The following WIPF2 variants were observed in gnomAD, a reference collection of about 807,000 sequenced individuals.
WIPF2 encodes WAS/WASL-interacting protein family member 2.
A neutral mutation model predicts 38.8 loss-of-function variants in WIPF2; 23 were observed. That is an observed-to-expected ratio of 0.59 (90% CI 0.43 to 0.84). The LOEUF is 0.84. Ranked by LOEUF, WIPF2 falls within the 40% of genes least tolerant of loss-of-function variation. The pLI is 0.00. For missense variants in WIPF2, 574 were observed against 580.5 expected (o/e 0.99, Z 0.11); for synonymous variants, 210 against 223.2 (o/e 0.94, Z 0.53).
chr17:40,220,151 T>A (rs59267916), intron 1 of WIPF2, among the ~76,000 whole-genome samples: 1 of 151,916 alleles, frequency 6.6e-6, no homozygotes, highest in African/African-American at 2.4e-5. Flanking sequence ...ATTTTTTTTT[T>A]TTTGTTTTAA....
At chr17:40,278,042 T>G in intron 7 of WIPF2, 143 bp from the exon 8 acceptor site, 2 of 1,034,540 alleles carry the variant, frequency 1.9e-6, no homozygotes, top group Non-Finnish European at 1.4e-6. Context: ...CTTCATTTTC[T>G]TAGGCAAAAC....
At chr17:40,273,761 A>T (rs1341163213) in intron 5 of WIPF2, 29 bp from the exon 6 acceptor site, 1 of 1,516,646 alleles carries the variant, frequency 6.6e-7, no homozygotes. Context: ...TCCACATCCA[A>T]ACCTAACTAC....
At chr17:40,220,573 G>GTGTGTATATATATATA (rs1431477384) in intron 1 of WIPF2, 1 of 77,108 alleles carries the variant, frequency 1.3e-5, no homozygotes, top group Non-Finnish European at 2.5e-5. Context: ...GTGTGTGTGT[G>GTGTGTATATATATATA]TATATATATA....
rs1037299586 is a variant in WIPF2, at chr17:40,234,416, A to G, written c.-70+14924A>G. ...CCACTGCACTCAAGCCTGGTGACAG[A>G]GTGAGACTCTGTCTCAAAACAAACA... On this transcript the variant is annotated intron_variant, in intron 1 of 7. Transcript: ENST00000323571. Among the ~76,000 whole-genome samples, 8 of 151,972 alleles carry G rather than the reference A, an allele frequency of 5.3e-5. No homozygotes were observed. The East Asian group carries it at 5.8e-4, about 11-fold the overall frequency.
At chr17:40,239,852 G>A (rs565148424) in intron 1 of WIPF2, among the ~76,000 whole-genome samples, 43 of 151,014 alleles carry the variant, frequency 2.8e-4, no homozygotes, top group African/African-American at 9.0e-4. Context: ...GCCTGCCACC[G>A]TGCCCGGCTA....
In WIPF2 at chr17:40,254,986, G is replaced by A. The variant is rs577483217; in HGVS notation, c.-69-1405G>A. ...CTCAGGTGATTCACCTGCCTTCCTC[G>A]GCCTCCCAAAGTGCTAGGATTACAG... On this transcript the variant is annotated intron_variant, in intron 1 of 7. Coordinates refer to ENST00000323571, the MANE Select transcript of WIPF2 (RefSeq NM_133264.5). 3.2e-3 allele frequency among the ~76,000 whole-genome samples: 488 copies of A among 151,952 alleles called. 2 individuals carry two copies. The highest frequency in any genetic ancestry group is 0.024 in the Middle Eastern group (7 of 294).
intron 1 of WIPF2, among the ~76,000 whole-genome samples, chr17:40,245,127 A>C (rs1038595470): frequency 6.6e-6 from 1 of 152,158 alleles, no homozygotes; most frequent in Non-Finnish European, 1.5e-5. Context: ...CTAAAAAATA[A>C]ATAAGTAAAA....
chr17:40,228,563 C>G (rs2030598944), intron 1 of WIPF2, among the ~76,000 whole-genome samples: 1 of 151,384 alleles, frequency 6.6e-6, no homozygotes, highest in South Asian at 2.1e-4. Context: ...TTTTTGAGTT[C>G]CTACTGTGTG....
chr17:40,244,766 C>A (rs894699858), intron 1 of WIPF2, among the ~76,000 whole-genome samples: 28 of 152,068 alleles, frequency 1.8e-4, no homozygotes, highest in African/African-American at 6.8e-4. Context: ...TCTAACACAC[C>A]AACTACATTC....
At position 40,248,163 on chromosome 17, in the gene WIPF2, C is replaced by CTTTTTTTTTTTT. The variant is rs60359132; in HGVS notation, c.-69-8212_-69-8201dup. ...TTTAATAAAAATTTAAAAGTTATTTCTTTTTTTTTTTTTTTTTTTTTTTTT... is the reference window on the plus strand; with the variant it reads ...TTTAATAAAAATTTAAAAGTTATTTCTTTTTTTTTTTTTTTTTTTTTTTTTTTTTTTTTTTTT... On this transcript the variant is annotated intron_variant, in intron 1 of 7. Coordinates refer to ENST00000323571, the MANE Select transcript of WIPF2 (RefSeq NM_133264.5). 3.4e-4 allele frequency among the ~76,000 whole-genome samples: 16 copies of CTTTTTTTTTTTT among 47,596 alleles called. 1 individual carries two copies. The highest frequency in any genetic ancestry group is 5.1e-4 in the Non-Finnish European group (12 of 23,676). The allele number at this position is 47,596 out of a possible 152,430, so 31.2% of individuals were successfully genotyped here.
chr17:40,222,493 A>G (rs991330631), intron 1 of WIPF2, among the ~76,000 whole-genome samples: 4 of 150,814 alleles, frequency 2.7e-5, no homozygotes, highest in Non-Finnish European at 5.9e-5. Flanking sequence ...GGGCAACAAG[A>G]GCGAAACTCC....
chr17:40,275,215 T>C (rs1247013048), intron 6 of WIPF2, among the ~76,000 whole-genome samples: 1 of 125,608 alleles, frequency 8.0e-6, no homozygotes. Context: ...CACTCCAGCC[T>C]GGGTGACAGA....
intron 1 of WIPF2, among the ~76,000 whole-genome samples, chr17:40,239,046 T>TTTTATTTTATTTA (rs1555560743): frequency 2.6e-4 from 36 of 138,814 alleles, no homozygotes; most frequent in African/African-American, 3.6e-4. Flanking sequence ...GTTTATTTTA[T>TTTTATTTTATTTA]TTTATTTATT....
chr17:40,243,606 C>T (rs1445631250), intron 1 of WIPF2, among the ~76,000 whole-genome samples: 3 of 151,892 alleles, frequency 2.0e-5, no homozygotes, highest in Non-Finnish European at 2.9e-5. Flanking sequence ...CTCTGCCTAC[C>T]GGGTTCAAGC....
intron 6 of WIPF2, among the ~76,000 whole-genome samples, chr17:40,275,428 G>A (rs760897397): frequency 6.6e-6 from 1 of 151,942 alleles, no homozygotes. Flanking sequence ...ATGTTGGGGG[G>A]GCTCTACCTA....
chr17:40,262,736 G>T lies in WIPF2; in HGVS notation c.313+95G>T, dbSNP rs543272948. 18 of 989,306 alleles carry T rather than the reference G, an allele frequency of 1.8e-5. No individual in the cohort carries two copies. In the East Asian group the frequency reaches 2.2e-4, roughly 12 times the overall value. The allele number at this position is 989,306 out of a possible 1,614,324, so 61.3% of individuals were successfully genotyped here. A position where few individuals can be genotyped will look rare whatever the true frequency, so the allele number is the denominator to read the frequency against. On this transcript the variant is annotated intron_variant, in intron 4 of 7. Coordinates refer to ENST00000323571, the MANE Select transcript of WIPF2 (RefSeq NM_133264.5). Reference sequence around the variant, plus strand: ...TCAGGTTGAGGAGTATGGTAGAGGTGGGGGGAAGAAAGACTTGGGAGTAGG... The same window carrying T: ...TCAGGTTGAGGAGTATGGTAGAGGTTGGGGGAAGAAAGACTTGGGAGTAGG...
At chr17:40,239,927 C>G (rs1177983260) in intron 1 of WIPF2, among the ~76,000 whole-genome samples, 1 of 151,638 alleles carries the variant, frequency 6.6e-6, no homozygotes, top group Non-Finnish European at 1.5e-5. Context: ...GAACTCCTGA[C>G]CTCAGGTGTT....
intron 1 of WIPF2, among the ~76,000 whole-genome samples, chr17:40,242,827 G>A (rs2031237687): frequency 6.6e-6 from 1 of 152,212 alleles, no homozygotes; most frequent in African/African-American, 2.4e-5. Context: ...ATTTACTGCA[G>A]TTGACTATTT....
chr17:40,263,024 G>C (rs1160542557), intron 4 of WIPF2, among the ~76,000 whole-genome samples: 1 of 152,186 alleles, frequency 6.6e-6, no homozygotes, highest in African/African-American at 2.4e-5. Context: ...TAGAAGTAGA[G>C]AGTGAAATGT....
Sources: gnomAD v4.1 joint callset for allele counts (sites outside exome capture counted in the v4.1 genomes callset) on GRCh38, gnomAD v4.1.1 for gene constraint, MANE v1.5 for transcripts, NCBI Gene and HGNC (gene_info 2026-07-23, HGNC 2026-07-21) for gene names.